CDADC1: variants seen among roughly 807,000 people sequenced by gnomAD.
The protein encoded by CDADC1 is cytidine and dCMP deaminase domain containing 1, also known as dCTP deaminase.
CDADC1 carries 39 observed loss-of-function variants against 54.9 expected under a neutral mutation model. The ratio of observed to expected loss-of-function variants is 0.71; its 90% CI spans 0.55 to 0.93. CDADC1 has a LOEUF of 0.93. CDADC1 is among the 40% of genes least tolerant of loss of function. The pLI, the probability that CDADC1 is intolerant of heterozygous loss-of-function variation, is 0.00. For synonymous variants in CDADC1, 186 were observed against 204.0 expected (o/e 0.91, Z 0.75); for missense variants, 518 against 618.8 (o/e 0.84, Z 1.73).
At chr13:49,265,847 G>C (rs951919846) in intron 4 of CDADC1, 39 of 1,299,514 alleles carry the variant, frequency 3.0e-5, no homozygotes, top group Non-Finnish European at 3.9e-5. Context: ...ACAAATGTCT[G>C]TCTAAAGAGG....
intron 7 of CDADC1, among the ~76,000 whole-genome samples, chr13:49,278,829 G>A (rs950758440): frequency 6.6e-6 from 1 of 152,176 alleles, no homozygotes; most frequent in South Asian, 2.1e-4. Context: ...GGATGTTAAG[G>A]CTCCTTTGTT....
chr13:49,275,458 A>G lies in CDADC1; in HGVS notation c.1050+1118A>G, dbSNP rs529316763. On this transcript the variant is annotated intron_variant, in intron 6 of 9. Transcript: ENST00000251108. Reference sequence around the variant, plus strand: ...TAGGAGGATATCATCAGGCAGAGCAAGTTAATGGGACCAGGAGAATAACAC... The same window carrying G: ...TAGGAGGATATCATCAGGCAGAGCAGGTTAATGGGACCAGGAGAATAACAC... 2.0e-3 allele frequency among the ~76,000 whole-genome samples: 297 copies of G among 151,476 alleles called. 1 individual carries two copies. The highest frequency in any genetic ancestry group is 3.4e-3 in the Non-Finnish European group (231 of 67,900).
chr13:49,248,607 T>C (rs1952350032), intron 1 of CDADC1: 2 of 421,566 alleles, frequency 4.7e-6, no homozygotes, highest in South Asian at 3.9e-5. Context: ...CCCCCTCAGC[T>C]ATGTGTATTA....
At chr13:49,284,503 ACATAAATT>A (rs1404986851) in intron 8 of CDADC1, among the ~76,000 whole-genome samples, 1 of 152,240 alleles carries the variant, frequency 6.6e-6, no homozygotes, top group African/African-American at 2.4e-5. Flanking sequence ...ATGTCCTTAA[ACATAAATT>A]CAGGATTACT....
chr13:49,260,584 C>T (rs188943104), intron 4 of CDADC1, among the ~76,000 whole-genome samples: 2 of 152,314 alleles, frequency 1.3e-5, no homozygotes, highest in Admixed American at 1.3e-4. Context: ...AGGAGGAACA[C>T]AAATTTTTAA....
chr13:49,262,723 G>A (rs1426022146), intron 4 of CDADC1, among the ~76,000 whole-genome samples: 3 of 151,936 alleles, frequency 2.0e-5, no homozygotes, highest in Non-Finnish European at 2.9e-5. Context: ...TAGAGACAAG[G>A]CTTCACCATG....
intron 2 of CDADC1, among the ~76,000 whole-genome samples, chr13:49,255,287 A>C (rs926628295): frequency 3.3e-5 from 5 of 152,164 alleles, no homozygotes. Flanking sequence ...CAATCAGATA[A>C]TCAAGGATAA....
intron 9 of CDADC1, among the ~76,000 whole-genome samples, chr13:49,291,022 C>T (rs533797344): frequency 6.6e-6 from 1 of 152,148 alleles, no homozygotes; most frequent in Non-Finnish European, 1.5e-5. Flanking sequence ...TCCCCAGATT[C>T]TCCCTACCCC....
rs1163125791 is a variant in CDADC1 at position 49,275,726 on chromosome 13, TAGAGAGAGAGAGAGAGAGAGAGAGAG to T, written c.1050+1431_1050+1456del. On this transcript the variant is annotated intron_variant, in intron 6 of 9. Coordinates refer to ENST00000251108, the MANE Select transcript of CDADC1 (RefSeq NM_030911.4). ...ATATATATATATATATATATATATATAGAGAGAGAGAGAGAGAGAGAGAGAGAGAGAGAGAGAGAGAGAGAGAGAGA... is the reference window on the plus strand; with the variant it reads ...ATATATATATATATATATATATATATAGAGAGAGAGAGAGAGAGAGAGAGA... 8.4e-3 allele frequency among the ~76,000 whole-genome samples: 151 copies of T among 17,884 alleles called. 2 individuals are homozygous for T. Among genetic ancestry groups the T allele is most frequent in the African/African-American group, 0.016 (68 of 4,210 alleles). The allele number at this position is 17,884 out of a possible 152,430, so 11.7% of individuals were successfully genotyped here. A position where few individuals can be genotyped will look rare whatever the true frequency, so the allele number is the denominator to read the frequency against.
Position 49,248,924 on chromosome 13 carries a change from A to T in CDADC1, c.136A>T (p.Met46Leu), listed in dbSNP as rs1205677690. ...CCTTTTCACTCTGCTCAGCCTCTGG[A>T]TGGAGCTCTTTCCAGCAGAAGCCCA... ...VNLFTLLSLW[M>L]ELFPAEAQRQ... is the part of the protein sequence containing the mutation. The change falls in exon 2 of 10, where the codon ATG (methionine) becomes TTG (leucine). Residue 46 changes from methionine to leucine, a missense_variant. Met to Leu is a conservative substitution (Grantham distance 15, BLOSUM62 2). Transcript: ENST00000251108. 6.2e-7 allele frequency: 1 copy of T among 1,613,258 alleles called. No homozygotes were observed. The highest frequency in any genetic ancestry group is 1.1e-5 in the South Asian group (1 of 91,060).
chr13:49,280,616 C>A lies in CDADC1; in HGVS notation c.1328C>A (p.Ala443Glu). ...GGTGCAGGCATAAAACAAATCTATG[C>A]AGGAGATGTAGATGTTGGAAAAAAG... The part of the protein sequence containing the change: ...IKGAGIKQIY[A>E]GDVDVGKKKA... The change falls in exon 8 of 10, where the codon GCA becomes GAA. Residue 443 changes from alanine to glutamate, a missense_variant. Transcript: ENST00000251108. 6.2e-7 allele frequency: 1 copy of A among 1,601,516 alleles called. No homozygotes were observed.
At chr13:49,260,866 G>A (rs976967225) in intron 4 of CDADC1, among the ~76,000 whole-genome samples, 1 of 152,174 alleles carries the variant, frequency 6.6e-6, no homozygotes, top group Non-Finnish European at 1.5e-5. Flanking sequence ...TTTGGTCTCA[G>A]AGGAGAAATA....
intron 7 of CDADC1, among the ~76,000 whole-genome samples, chr13:49,279,701 T>C (rs1047033257): frequency 6.6e-5 from 10 of 152,214 alleles, no homozygotes; most frequent in Non-Finnish European, 1.5e-4. Flanking sequence ...TGAACGTAAA[T>C]AACAGTCTCA....
At chr13:49,265,025 T>C (rs972004140) in intron 4 of CDADC1, among the ~76,000 whole-genome samples, 4 of 152,224 alleles carry the variant, frequency 2.6e-5, no homozygotes, top group Non-Finnish European at 5.9e-5. Context: ...TATAAACTCT[T>C]ACCCACTATG....
At chr13:49,277,527 G>C (rs1488920937) in intron 6 of CDADC1, among the ~76,000 whole-genome samples, 1 of 152,056 alleles carries the variant, frequency 6.6e-6, no homozygotes, top group African/African-American at 2.4e-5. Context: ...TTTGTTTGCA[G>C]GCTTTTGTTG....
intron 9 of CDADC1, among the ~76,000 whole-genome samples, chr13:49,287,220 T>C (rs191484776): frequency 6.6e-6 from 1 of 152,148 alleles, no homozygotes; most frequent in African/African-American, 2.4e-5. Flanking sequence ...GTAACTATAT[T>C]ATCGAATTAT....
chr13:49,249,202 T>A (rs1952367235), intron 2 of CDADC1, among the ~76,000 whole-genome samples: 1 of 152,244 alleles, frequency 6.6e-6, no homozygotes, highest in Non-Finnish European at 1.5e-5. Flanking sequence ...CATATGTCAG[T>A]TCGGCTAATA....
chr13:49,248,831 T>G (rs1312198031), intron 1 of CDADC1, 40 bp from the exon 2 acceptor site: 1 of 1,284,270 alleles, frequency 7.8e-7, no homozygotes. Flanking sequence ...TTTTTCACCA[T>G]TAGTAACAAA....
chr13:49,277,974 G>A (rs184843324), intron 6 of CDADC1, among the ~76,000 whole-genome samples: 13 of 152,252 alleles, frequency 8.5e-5, no homozygotes, highest in Admixed American at 3.3e-4. Flanking sequence ...CAGAATACTC[G>A]AACATGTTGA....
Sources: gnomAD v4.1 joint callset for allele counts (sites outside exome capture counted in the v4.1 genomes callset) on GRCh38, gnomAD v4.1.1 for gene constraint, MANE v1.5 for transcripts, NCBI Gene and HGNC (gene_info 2026-07-23, HGNC 2026-07-21) for gene names.